HS3ST4: variants seen among roughly 807,000 people sequenced by gnomAD.
The protein encoded by HS3ST4 is heparan sulfate-glucosamine 3-sulfotransferase 4.
Under a neutral mutation model 29.2 loss-of-function variants are expected in HS3ST4, and 17 were observed. That is an observed-to-expected ratio of 0.58 (90% CI 0.40 to 0.87). HS3ST4 has a LOEUF of 0.87. Ranked by LOEUF, HS3ST4 falls within the 40% of genes least tolerant of loss-of-function variation. The pLI, the probability that HS3ST4 is intolerant of heterozygous loss-of-function variation, is 0.00. For missense variants in HS3ST4, 627 were observed against 634.5 expected, an observed-to-expected ratio of 0.99 and a Z score of 0.13; for synonymous variants, 314 against 285.7, an observed-to-expected ratio of 1.10 and a Z score of -1.00.
intron 1 of HS3ST4, among the ~76,000 whole-genome samples, chr16:25,985,975 A>G (rs756738002): frequency 6.6e-6 from 1 of 152,160 alleles, no homozygotes; most frequent in Admixed American, 6.5e-5. Flanking sequence ...ACGGCCCACC[A>G]TAACTGGCCC....
In HS3ST4 at chr16:25,755,842, A is replaced by G. The variant is rs1966754344; in HGVS notation, c.734+62691A>G. Among the ~76,000 whole-genome samples, 7 of 152,134 alleles carry G rather than the reference A, an allele frequency of 4.6e-5. No homozygotes were observed. In the South Asian group the frequency reaches 1.4e-3, roughly 31 times the overall value. On this transcript the variant is annotated intron_variant, in intron 1 of 1. Coordinates refer to ENST00000331351, the MANE Select transcript of HS3ST4 (RefSeq NM_006040.3). ...CCCTGCCCTTTCCAACTGTATTCCC[A>G]AAATTGATGCCGAGTATCAGTTTTT...
At chr16:25,909,881 T>G (rs571853535) in intron 1 of HS3ST4, among the ~76,000 whole-genome samples, 3 of 152,134 alleles carry the variant, frequency 2.0e-5, no homozygotes, top group Non-Finnish European at 4.4e-5. Flanking sequence ...TTAGTTTTGT[T>G]TTTTAGAGGA....
chr16:25,919,383 A>G (rs973190542), intron 1 of HS3ST4, among the ~76,000 whole-genome samples: 1 of 152,106 alleles, frequency 6.6e-6, no homozygotes, highest in Non-Finnish European at 1.5e-5. Context: ...AAGATAGGAC[A>G]TTGGGGGTGG....
At chr16:26,098,224 C>G (rs1449189996) in intron 1 of HS3ST4, among the ~76,000 whole-genome samples, 1 of 152,122 alleles carries the variant, frequency 6.6e-6, no homozygotes, top group Non-Finnish European at 1.5e-5. Flanking sequence ...CCCAGCAATC[C>G]CATTACTCGG....
intron 1 of HS3ST4, among the ~76,000 whole-genome samples, chr16:25,814,916 T>C (rs1171754727): frequency 3.9e-5 from 6 of 152,196 alleles, no homozygotes; most frequent in Non-Finnish European, 7.3e-5. Flanking sequence ...CTAGGGTTGG[T>C]GCAAAGGCCA....
intron 1 of HS3ST4, among the ~76,000 whole-genome samples, chr16:25,786,482 AT>A (rs1164941322): frequency 1.3e-5 from 2 of 152,216 alleles, no homozygotes; most frequent in Non-Finnish European, 2.9e-5. Flanking sequence ...GATCATTATC[AT>A]TATCACTATT....
Position 26,084,251 on chromosome 16 carries a change from C to T in HS3ST4, c.735-51361C>T, listed in dbSNP as rs1898758455. 2.0e-5 allele frequency among the ~76,000 whole-genome samples: 3 copies of T among 152,156 alleles called. No homozygotes were observed. In the South Asian group the frequency reaches 6.2e-4, roughly 32 times the overall value. On this transcript the variant is annotated intron_variant, in intron 1 of 1. Transcript: ENST00000331351. ...GCATTGCTTATCCAAGGTAAACAGA[C>T]TTAATATGTTTAATCCCTCCCTGAT...
chr16:25,956,739 C>T (rs1968736633), intron 1 of HS3ST4, among the ~76,000 whole-genome samples: 2 of 151,958 alleles, frequency 1.3e-5, no homozygotes, highest in East Asian at 3.9e-4. Flanking sequence ...TGGCTCATGC[C>T]TGTAATCCCA....
At chr16:25,913,752 A>ATG (rs1359919975) in intron 1 of HS3ST4, among the ~76,000 whole-genome samples, 1 of 150,864 alleles carries the variant, frequency 6.6e-6, no homozygotes, top group African/African-American at 2.4e-5. Context: ...AATGTGGTAG[A>ATG]TGTGTGTGTG....
intron 1 of HS3ST4, among the ~76,000 whole-genome samples, chr16:26,016,569 C>A (rs902789417): frequency 4.6e-5 from 7 of 152,106 alleles, no homozygotes; most frequent in Non-Finnish European, 7.4e-5. Flanking sequence ...ACAATAATAT[C>A]TGCATTAAAT....
rs1555467593 is a variant in HS3ST4 at position 25,828,301 on chromosome 16, C to CTCT, written c.734+135150_734+135151insTCT. Reference sequence around the variant, plus strand: ...CTTTCTTTCTTTCTTTCTTTCTTTCCCTCTCTCTCTCTCTCTCTCTCTCTC... The same window carrying CTCT: ...CTTTCTTTCTTTCTTTCTTTCTTTCCTCTCTCTCTCTCTCTCTCTCTCTCTCTC... On this transcript the variant is annotated intron_variant, in intron 1 of 1. Transcript: ENST00000331351. Among the ~76,000 whole-genome samples, 146 of 32,902 alleles carry CTCT rather than the reference C, an allele frequency of 4.4e-3. 2 individuals are homozygous for CTCT. Among genetic ancestry groups the CTCT allele is most frequent in the Admixed American group, 5.5e-3 (15 of 2,736 alleles). 21.6% of individuals were successfully genotyped at this position (32,902 alleles called of 152,430 possible). A position where few individuals can be genotyped will look rare whatever the true frequency, so the allele number is the denominator to read the frequency against.
At chr16:25,938,327 G>A (rs776854123) in intron 1 of HS3ST4, among the ~76,000 whole-genome samples, 24 of 152,152 alleles carry the variant, frequency 1.6e-4, no homozygotes, top group South Asian at 4.1e-4. Flanking sequence ...CAAGAAGAGC[G>A]TAATCTCATT....
At chr16:25,911,474 G>A (rs1366835113) in intron 1 of HS3ST4, among the ~76,000 whole-genome samples, 1 of 150,406 alleles carries the variant, frequency 6.6e-6, no homozygotes, top group Non-Finnish European at 1.5e-5. Flanking sequence ...GAGTGCAGAG[G>A]GAGGTGGTGT....
In HS3ST4 at chr16:25,831,395, CTA is replaced by C. The variant is rs1491521265; in HGVS notation, c.734+138245_734+138246del. On this transcript the variant is annotated intron_variant, in intron 1 of 1. Coordinates refer to ENST00000331351, the MANE Select transcript of HS3ST4 (RefSeq NM_006040.3). ...TGGGCAACATAATGAGACCCCGTCT[CTA>C]CACACACACACACACACACACACAC... Among the ~76,000 whole-genome samples, 318 of 101,634 alleles carry C rather than the reference CTA, an allele frequency of 3.1e-3. 1 individual carries two copies. Among genetic ancestry groups the C allele is most frequent in the African/African-American group, 8.4e-3 (229 of 27,224 alleles). The allele number at this position is 101,634 out of a possible 152,430, so 66.7% of individuals were successfully genotyped here.
intron 1 of HS3ST4, among the ~76,000 whole-genome samples, chr16:26,040,229 C>T (rs1449796651): frequency 6.6e-6 from 1 of 151,524 alleles, no homozygotes; most frequent in African/African-American, 2.4e-5. Flanking sequence ...ATTCTCTCCC[C>T]CTTTGACTTG....
chr16:25,785,559 A>G (rs1318262867), intron 1 of HS3ST4, among the ~76,000 whole-genome samples: 1 of 152,164 alleles, frequency 6.6e-6, no homozygotes. Flanking sequence ...CAATGGAGAG[A>G]TAAGTGGTTT....
chr16:26,054,821 A>G (rs1043692031), intron 1 of HS3ST4, among the ~76,000 whole-genome samples: 1 of 151,746 alleles, frequency 6.6e-6, no homozygotes, highest in African/African-American at 2.4e-5. Flanking sequence ...GTGTTTAGAC[A>G]GTGCTCTTTT....
intron 1 of HS3ST4, among the ~76,000 whole-genome samples, chr16:26,023,057 G>GA (rs1038946972): frequency 9.9e-5 from 15 of 151,614 alleles, no homozygotes; most frequent in Admixed American, 2.6e-4. Flanking sequence ...AAAAGAAGAA[G>GA]AAAAAAAACC....
intron 1 of HS3ST4, among the ~76,000 whole-genome samples, chr16:25,851,497 T>A (rs1967521574): frequency 6.6e-6 from 1 of 152,144 alleles, no homozygotes; most frequent in Admixed American, 6.5e-5. Flanking sequence ...CTAAATGATT[T>A]CCACTGCCAT....
Sources: allele counts gnomAD v4.1 joint callset (sites outside exome capture counted in the v4.1 genomes callset), GRCh38; gene constraint gnomAD v4.1.1; transcripts MANE v1.5; gene names NCBI Gene and HGNC (gene_info 2026-07-23, HGNC 2026-07-21).